The following NEBL variants were observed in gnomAD, a reference collection of about 807,000 sequenced individuals.
NEBL encodes nebulette, also known as LIM and SH3 protein 2.
NEBL carries 122 observed loss-of-function variants against 140.2 expected under a neutral mutation model. That is an observed-to-expected ratio of 0.87 (90% CI 0.75 to 1.01). NEBL has a LOEUF of 1.01. Among genes scored for constraint, NEBL ranks in the 50% least tolerant of loss-of-function variants. NEBL has a pLI of 0.00. For missense variants in NEBL, 1,365 were observed against 1,231.3 expected (o/e 1.11, Z -1.62); for synonymous variants, 436 against 398.9 (o/e 1.09, Z -1.11).
intron 4 of NEBL, among the ~76,000 whole-genome samples, chr10:20,949,346 T>C (rs1835334645): frequency 6.6e-6 from 1 of 152,122 alleles, no homozygotes; most frequent in Admixed American, 6.6e-5. Context: ...ACCTAATGCA[T>C]GCGGGGTTTA....
chr10:20,874,830 C>A (rs563486647), intron 5 of NEBL, among the ~76,000 whole-genome samples: 1 of 152,292 alleles, frequency 6.6e-6, no homozygotes, highest in South Asian at 2.1e-4. Flanking sequence ...ACCTCCACCT[C>A]CTGGGTTCAA....
intron 2 of NEBL, among the ~76,000 whole-genome samples, chr10:21,022,743 T>C (rs1838847429): frequency 6.6e-6 from 1 of 152,208 alleles, no homozygotes. Flanking sequence ...TTTGTAAAGG[T>C]AAATAACCCA....
intron 3 of NEBL, among the ~76,000 whole-genome samples, chr10:20,978,216 C>T (rs961125375): frequency 6.6e-5 from 10 of 152,176 alleles, no homozygotes; most frequent in Admixed American, 5.9e-4. Flanking sequence ...TTCCCCAACA[C>T]TTCCCTGGTC....
At chr10:21,160,516 C>T (rs655438) in intron 2 of NEBL, among the ~76,000 whole-genome samples, 76,730 of 151,964 alleles carry the variant, frequency 0.5, 22,845 homozygotes, top group African/African-American at 0.83. Flanking sequence ...CCTTAATTAT[C>T]ACGTGCCTTA....
At chr10:21,168,465 T>C (rs1172424164) in intron 2 of NEBL, among the ~76,000 whole-genome samples, 4 of 152,176 alleles carry the variant, frequency 2.6e-5, no homozygotes, top group African/African-American at 7.2e-5. Flanking sequence ...GAATCTCTAA[T>C]AGCTAAGAAA....
At position 21,037,044 on chromosome 10, in the gene NEBL, G is replaced by A. The variant is rs193099807; in HGVS notation, c.165-16843C>T. ...CTGGTCTGTTGACACCCCTGGCCAC[G>A]CACAGCACTTGTAGAAGCCCACAGT... On this transcript the variant is annotated intron_variant, in intron 2 of 6. Transcript: ENST00000417816. Among the ~76,000 whole-genome samples the A allele has an allele frequency of 5.9e-5, 9 of 152,186 alleles. No individual in the cohort carries two copies. The East Asian group carries it at 7.7e-4, about 13-fold the overall frequency.
intron 4 of NEBL, among the ~76,000 whole-genome samples, chr10:20,917,970 A>G (rs897689390): frequency 6.6e-6 from 1 of 152,220 alleles, no homozygotes; most frequent in Admixed American, 6.5e-5. Context: ...CTGGTAAAAT[A>G]CTAATAAAAT....
At chr10:20,791,844 C>T (rs1191462126) in intron 26 of NEBL, among the ~76,000 whole-genome samples, 1 of 152,122 alleles carries the variant, frequency 6.6e-6, no homozygotes, top group Non-Finnish European at 1.5e-5. Flanking sequence ...GGGATGTACG[C>T]AGAGTGCGTG....
chr10:20,907,689 T>C (rs1834567627), intron 4 of NEBL, among the ~76,000 whole-genome samples: 1 of 152,158 alleles, frequency 6.6e-6, no homozygotes, highest in Non-Finnish European at 1.5e-5. Flanking sequence ...TAAGTTTCAC[T>C]GAAACGAGAT....
At chr10:21,283,645 T>G (rs1485422961) in intron 1 of NEBL, among the ~76,000 whole-genome samples, 1 of 151,928 alleles carries the variant, frequency 6.6e-6, no homozygotes, top group African/African-American at 2.4e-5. Context: ...CCCAGCAGAG[T>G]CTGGAATAAG....
intron 3 of NEBL, among the ~76,000 whole-genome samples, chr10:21,213,809 A>G (rs1055061016): frequency 6.6e-6 from 1 of 151,782 alleles, no homozygotes; most frequent in Non-Finnish European, 1.5e-5. Flanking sequence ...AAAAGGACCA[A>G]CGAATATCTA....
At chr10:21,280,106 G>A (rs1842973515) in intron 1 of NEBL, among the ~76,000 whole-genome samples, 1 of 152,138 alleles carries the variant, frequency 6.6e-6, no homozygotes, top group African/African-American at 2.4e-5. Context: ...TAGAACCCAA[G>A]TGGATCTTGC....
rs559135470 is a variant in NEBL at position 20,836,051 on chromosome 10, T to C, written c.1339-428A>G. The stretch of plus-strand genomic sequence containing the variant: ...AAGGTAGTAATGCAAGCATACCTCA[T>C]TTTTATTGTGCTTTGTAGATATTGC... On this transcript the variant is annotated intron_variant, in intron 13 of 27. Transcript: ENST00000377122. Among the ~76,000 whole-genome samples the C allele has an allele frequency of 2.0e-5, 3 of 152,232 alleles. No individual in the cohort carries two copies. In the East Asian group the frequency reaches 5.8e-4, roughly 29 times the overall value.
intron 3 of NEBL, among the ~76,000 whole-genome samples, chr10:21,188,791 C>T (rs10828205): frequency 0.14 from 21,832 of 151,468 alleles, 1,640 homozygotes; most frequent in African/African-American, 0.17. Flanking sequence ...GGTTTCATCA[C>T]GTCGGCCAGG....
intron 2 of NEBL, among the ~76,000 whole-genome samples, chr10:21,118,796 T>C (rs989996590): frequency 3.9e-5 from 6 of 152,190 alleles, no homozygotes; most frequent in African/African-American, 1.2e-4. Flanking sequence ...TATGAATGCA[T>C]AGTCATTTAT....
intron 9 of NEBL, among the ~76,000 whole-genome samples, chr10:20,856,705 T>G (rs1448034873): frequency 1.3e-5 from 2 of 152,166 alleles, no homozygotes; most frequent in Non-Finnish European, 2.9e-5. Context: ...TGACTGCCAA[T>G]TCTGGGCCCT....
chr10:20,970,753 A>T (rs1291548907), intron 3 of NEBL, among the ~76,000 whole-genome samples: 4 of 152,222 alleles, frequency 2.6e-5, no homozygotes. Flanking sequence ...GTTAAGGTCC[A>T]TTTCACAGAT....
At chr10:21,249,412 G>T (rs368049675) in intron 2 of NEBL, among the ~76,000 whole-genome samples, 2 of 151,790 alleles carry the variant, frequency 1.3e-5, no homozygotes, top group East Asian at 3.9e-4. Flanking sequence ...TTTTTCTTTT[G>T]TTGCCCATGC....
intron 2 of NEBL, among the ~76,000 whole-genome samples, chr10:21,149,834 G>C (rs1298115454): frequency 6.6e-6 from 1 of 152,184 alleles, no homozygotes; most frequent in Non-Finnish European, 1.5e-5. Context: ...AGGTAGATAG[G>C]GTTGGAATTG....
Sources: gnomAD v4.1 joint callset for allele counts (sites outside exome capture counted in the v4.1 genomes callset) on GRCh38, gnomAD v4.1.1 for gene constraint, MANE v1.5 for transcripts, NCBI Gene and HGNC (gene_info 2026-07-23, HGNC 2026-07-21) for gene names.